SETBP1: variants seen among roughly 807,000 people sequenced by gnomAD.
The protein encoded by SETBP1 is SET binding protein 1.
SETBP1 carries 9 observed loss-of-function variants against 101.0 expected under a neutral mutation model. That is an observed-to-expected ratio of 0.09 (90% CI 0.05 to 0.16). SETBP1 has a LOEUF of 0.16. Ranked by LOEUF, SETBP1 falls within the 10% of genes least tolerant of loss-of-function variation. SETBP1 has a pLI of 1.00. For missense variants in SETBP1, 1,858 were observed against 2,033.8 expected (o/e 0.91, Z 1.66); for synonymous variants, 818 against 788.5 (o/e 1.04, Z -0.63).
At chr18:44,972,580 G>C (rs1210182558) in intron 4 of SETBP1, among the ~76,000 whole-genome samples, 3 of 152,136 alleles carry the variant, frequency 2.0e-5, no homozygotes, top group Non-Finnish European at 4.4e-5. Context: ...TCTCCCTGAA[G>C]AGATCCTTCA....
intron 3 of SETBP1, chr18:44,877,035 C>T: frequency 1.8e-6 from 2 of 1,130,412 alleles, no homozygotes; most frequent in Non-Finnish European, 2.2e-6. Context: ...CTCAGACGAT[C>T]ACTTAGGAAA....
chr18:44,800,956 A>C (rs2071594896), intron 2 of SETBP1, among the ~76,000 whole-genome samples: 1 of 152,208 alleles, frequency 6.6e-6, no homozygotes, highest in South Asian at 2.1e-4. Context: ...CAGCCATAAA[A>C]AAGGATGAGT....
intron 2 of SETBP1, among the ~76,000 whole-genome samples, chr18:44,830,568 A>G (rs570352250): frequency 2.0e-5 from 3 of 152,120 alleles, no homozygotes; most frequent in Non-Finnish European, 4.4e-5. Context: ...TTTTTTGCCT[A>G]TACGAAGGGT....
intron 4 of SETBP1, among the ~76,000 whole-genome samples, chr18:44,995,823 CTTG>C (rs1351209896): frequency 1.3e-5 from 2 of 152,112 alleles, no homozygotes; most frequent in Non-Finnish European, 2.9e-5. Flanking sequence ...CCCAAGAGCG[CTTG>C]TTGTATTATA....
intron 3 of SETBP1, among the ~76,000 whole-genome samples, chr18:44,908,983 C>A (rs527419389): frequency 1.3e-5 from 2 of 152,164 alleles, no homozygotes; most frequent in Non-Finnish European, 2.9e-5. Flanking sequence ...GCATTGTCAT[C>A]ATCACACCTC....
chr18:44,784,775 C>G (rs1281780266), intron 2 of SETBP1, among the ~76,000 whole-genome samples: 1 of 152,108 alleles, frequency 6.6e-6, no homozygotes, highest in South Asian at 2.1e-4. Context: ...AACAACTGCT[C>G]AAGAGTACGT....
At chr18:44,866,637 G>A (rs921483873) in intron 2 of SETBP1, among the ~76,000 whole-genome samples, 1 of 152,242 alleles carries the variant, frequency 6.6e-6, no homozygotes, top group Non-Finnish European at 1.5e-5. Context: ...GCACGCCCAG[G>A]GTCTGGAGAA....
intron 2 of SETBP1, among the ~76,000 whole-genome samples, chr18:44,714,204 T>G (rs2069409664): frequency 6.6e-6 from 1 of 152,128 alleles, no homozygotes. Context: ...TTCTTAGGTC[T>G]CCTTTTTTTT....
chr18:44,854,988 A>AT (rs1226656059), intron 2 of SETBP1, among the ~76,000 whole-genome samples: 1 of 152,116 alleles, frequency 6.6e-6, no homozygotes, highest in Non-Finnish European at 1.5e-5. Flanking sequence ...AACTTTGCAC[A>AT]TTCTATTTCC....
chr18:44,806,378 G>T (rs1312679639), intron 2 of SETBP1, among the ~76,000 whole-genome samples: 1 of 152,050 alleles, frequency 6.6e-6, no homozygotes, highest in African/African-American at 2.4e-5. Flanking sequence ...ATTCTTCTGT[G>T]TAATATTTTC....
intron 4 of SETBP1, among the ~76,000 whole-genome samples, chr18:44,971,686 G>A (rs1904379216): frequency 6.6e-6 from 1 of 152,242 alleles, no homozygotes; most frequent in African/African-American, 2.4e-5. Flanking sequence ...TTTGAGAAGT[G>A]TCTGTTCATA....
At chr18:44,684,585 GTT>G (rs5824553) in intron 1 of SETBP1, among the ~76,000 whole-genome samples, 22 of 133,084 alleles carry the variant, frequency 1.7e-4, no homozygotes, top group African/African-American at 2.0e-4. Context: ...TTTTTAGAAG[GTT>G]TTTTTTTTTT....
intron 2 of SETBP1, among the ~76,000 whole-genome samples, chr18:44,868,710 GGGAGGAAGGAAGGAAGGAAGGA>G (rs2069193095): frequency 1.5e-4 from 1 of 6,834 alleles, no homozygotes; most frequent in East Asian, 2.7e-3. Flanking sequence ...ACGGAAGGAA[GGGAGGAAGGAAGGAAGGAAGGA>G]AGGAAGGAAG....
intron 5 of SETBP1, among the ~76,000 whole-genome samples, chr18:45,047,475 T>G (rs1328974531): frequency 6.6e-6 from 1 of 152,162 alleles, no homozygotes; most frequent in Non-Finnish European, 1.5e-5. Flanking sequence ...CTAATTAGAT[T>G]GTTGGTGTCA....
At chr18:45,010,886 C>T (rs1000268142) in intron 4 of SETBP1, among the ~76,000 whole-genome samples, 13 of 152,088 alleles carry the variant, frequency 8.5e-5, no homozygotes, top group Non-Finnish European at 1.8e-4. Context: ...ATAGCTGGTG[C>T]GGACTTATTC....
chr18:44,958,760 C>T (rs537298078), intron 4 of SETBP1, among the ~76,000 whole-genome samples: 2 of 152,264 alleles, frequency 1.3e-5, no homozygotes, highest in East Asian at 3.9e-4. Flanking sequence ...AAAAGGTAAG[C>T]ATCTCTTTGA....
At chr18:44,785,837 G>A (rs2071228957) in intron 2 of SETBP1, among the ~76,000 whole-genome samples, 1 of 152,254 alleles carries the variant, frequency 6.6e-6, no homozygotes, top group East Asian at 1.9e-4. Flanking sequence ...TTGCCTATGG[G>A]ACCTGCTCAG....
chr18:44,758,133 C>A (rs947399007), intron 2 of SETBP1, among the ~76,000 whole-genome samples: 1 of 152,080 alleles, frequency 6.6e-6, no homozygotes, highest in Non-Finnish European at 1.5e-5. Flanking sequence ...ATTTTGCCAC[C>A]GATGCAGGGA....
chr18:45,039,097 A>C (rs2073458286), intron 5 of SETBP1, among the ~76,000 whole-genome samples: 1 of 152,166 alleles, frequency 6.6e-6, no homozygotes, highest in Non-Finnish European at 1.5e-5. Context: ...CAGGATTCCA[A>C]AGCCCATGCT....
Sources: allele counts gnomAD v4.1 joint callset (sites outside exome capture counted in the v4.1 genomes callset), GRCh38; gene constraint gnomAD v4.1.1; transcripts MANE v1.5; gene names NCBI Gene and HGNC (gene_info 2026-07-23, HGNC 2026-07-21).